Variants in GSG1L observed in about 807,000 individuals in gnomAD.
GSG1L encodes germ cell-specific gene 1-like protein.
Under a neutral mutation model 42.1 loss-of-function variants are expected in GSG1L, and 24 were observed. The observed-to-expected ratio is 0.57, with a 90% CI of 0.41 to 0.80. The LOEUF (loss-of-function observed/expected upper bound fraction) is 0.80. Among genes scored for constraint, GSG1L ranks in the 30% least tolerant of loss-of-function variants. The pLI is 0.00. For missense variants in GSG1L, 445 were observed against 472.2 expected, an observed-to-expected ratio of 0.94 and a Z score of 0.53; for synonymous variants, 215 against 203.5, an observed-to-expected ratio of 1.06 and a Z score of -0.48.
intron 5 of GSG1L, among the ~76,000 whole-genome samples, chr16:27,816,133 G>A (rs1285965689): frequency 1.3e-5 from 2 of 152,070 alleles, no homozygotes; most frequent in Non-Finnish European, 2.9e-5. Flanking sequence ...TGCATATTCA[G>A]CCCCACCTCC....
chr16:27,830,183 T>C (rs537954653), intron 4 of GSG1L, among the ~76,000 whole-genome samples: 2 of 152,332 alleles, frequency 1.3e-5, no homozygotes, highest in East Asian at 3.9e-4. Flanking sequence ...GGTACCTGCC[T>C]GGCCTCAGTT....
At chr16:27,849,142 G>A (rs564684153) in intron 3 of GSG1L, among the ~76,000 whole-genome samples, 1 of 147,506 alleles carries the variant, frequency 6.8e-6, no homozygotes, top group East Asian at 2.0e-4. Context: ...AAGCTGCAGT[G>A]AGGCAAGATC....
At chr16:27,949,749 C>A (rs549511558) in intron 2 of GSG1L, among the ~76,000 whole-genome samples, 23 of 152,158 alleles carry the variant, frequency 1.5e-4, no homozygotes, top group African/African-American at 5.3e-4. Flanking sequence ...CACGATGAAA[C>A]CCCGTCTCTA....
At chr16:27,844,240 C>CT (rs1237319761) in intron 4 of GSG1L, among the ~76,000 whole-genome samples, 1 of 152,224 alleles carries the variant, frequency 6.6e-6, no homozygotes, top group Non-Finnish European at 1.5e-5. Context: ...ATGAACACCC[C>CT]TTGTTCACTT....
intron 2 of GSG1L, among the ~76,000 whole-genome samples, chr16:27,950,264 A>C (rs2084936745): frequency 6.6e-6 from 1 of 152,212 alleles, no homozygotes; most frequent in Non-Finnish European, 1.5e-5. Flanking sequence ...AACTGTTTCC[A>C]ATTACAAAAC....
chr16:28,035,153 C>A (rs765735472), intron 1 of GSG1L, among the ~76,000 whole-genome samples: 6 of 151,760 alleles, frequency 4.0e-5, no homozygotes, highest in African/African-American at 1.2e-4. Flanking sequence ...ACTATGGCCA[C>A]GCACCAGCAA....
chr16:28,017,534 CG>C (rs2085794911), intron 1 of GSG1L, among the ~76,000 whole-genome samples: 1 of 152,192 alleles, frequency 6.6e-6, no homozygotes, highest in African/African-American at 2.4e-5. Flanking sequence ...TTAGAGCAGA[CG>C]GGTTGGTGAT....
chr16:27,998,590 G>A (rs949903962), intron 1 of GSG1L, among the ~76,000 whole-genome samples: 7 of 152,066 alleles, frequency 4.6e-5, no homozygotes, highest in African/African-American at 1.4e-4. Flanking sequence ...GAGCTCAAGG[G>A]CAGCCTGGGC....
intron 2 of GSG1L, among the ~76,000 whole-genome samples, chr16:27,913,217 T>A (rs1251175545): frequency 2.0e-5 from 3 of 152,204 alleles, no homozygotes; most frequent in Non-Finnish European, 4.4e-5. Context: ...ATGATCCAAT[T>A]TATCTAAAGT....
intron 2 of GSG1L, among the ~76,000 whole-genome samples, chr16:27,891,631 A>G (rs1448813849): frequency 6.6e-6 from 1 of 151,700 alleles, no homozygotes; most frequent in Non-Finnish European, 1.5e-5. Context: ...CACCACCACA[A>G]CCCACTAATT....
At chr16:27,962,896 T>C (rs536486683) in intron 2 of GSG1L, among the ~76,000 whole-genome samples, 8 of 152,322 alleles carry the variant, frequency 5.3e-5, no homozygotes, top group African/African-American at 1.9e-4. Flanking sequence ...CAGCATGCAC[T>C]GGACAGAATG....
At chr16:27,837,542 G>A (rs903936529) in intron 4 of GSG1L, among the ~76,000 whole-genome samples, 1 of 152,178 alleles carries the variant, frequency 6.6e-6, no homozygotes, top group African/African-American at 2.4e-5. Flanking sequence ...GACACCATGG[G>A]GAGGGAGATG....
intron 4 of GSG1L, 130 bp downstream of exon 4, chr16:27,844,820 C>T (rs1166469443): frequency 3.7e-6 from 2 of 543,398 alleles, no homozygotes; most frequent in Non-Finnish European, 6.7e-6. Flanking sequence ...CTTTGGACTA[C>T]AGCCCCTCCA....
chr16:27,795,938 A>C (rs1465130301), intron 6 of GSG1L, among the ~76,000 whole-genome samples: 1 of 152,180 alleles, frequency 6.6e-6, no homozygotes, highest in Admixed American at 6.5e-5. Flanking sequence ...AATCACATCT[A>C]CTGTTCCAAA....
rs141895502 is a variant in GSG1L at position 28,035,884 on chromosome 16, A to C, written c.349+27192T>G. 9.8e-3 allele frequency among the ~76,000 whole-genome samples: 1,496 copies of C among 152,308 alleles called. 9 individuals carry two copies. The highest frequency in any genetic ancestry group is 0.015 in the Non-Finnish European group (1,054 of 68,012). On this transcript the variant is annotated intron_variant, in intron 1 of 6. Transcript: ENST00000447459. ...GGCCACTTCACTGCTTCCAGACCCCAGTCCCTCAGGAAAACATCATTAATC... is the reference window on the plus strand; with the variant it reads ...GGCCACTTCACTGCTTCCAGACCCCCGTCCCTCAGGAAAACATCATTAATC...
chr16:27,883,411 T>C (rs969441185), intron 3 of GSG1L, among the ~76,000 whole-genome samples: 2 of 152,160 alleles, frequency 1.3e-5, no homozygotes, highest in Non-Finnish European at 2.9e-5. Flanking sequence ...TTTCTTCTTT[T>C]CTTTACTGTG....
Position 28,063,487 on chromosome 16 carries a change from T to C in GSG1L, c.-63A>G. ...GAGCTCCGCGCGCGAAGTTGGCAGC[T>C]GGCGCCCCGCGTCAGCGGCCGCTGC... is the stretch of plus-strand genomic sequence containing the variant. On this transcript the variant is annotated 5_prime_UTR_variant, in exon 1 of 7. Coordinates refer to ENST00000447459, the MANE Select transcript of GSG1L (RefSeq NM_001109763.2). The surrounding 1 kb of genome is among the most constrained non-coding windows in gnomAD (Gnocchi z 5.8). The C allele has an allele frequency of 1.9e-6, 2 of 1,052,434 alleles. No homozygotes were observed. Among genetic ancestry groups the C allele is most frequent in the Non-Finnish European group, 2.3e-6 (2 of 854,708 alleles). The allele number at this position is 1,052,434 out of a possible 1,614,324, so 65.2% of individuals were successfully genotyped here.
At chr16:27,978,900 T>A (rs2085281618) in intron 1 of GSG1L, among the ~76,000 whole-genome samples, 1 of 152,032 alleles carries the variant, frequency 6.6e-6, no homozygotes, top group Non-Finnish European at 1.5e-5. Flanking sequence ...CATCTTCAGT[T>A]AGGATTTAAT....
intron 3 of GSG1L, among the ~76,000 whole-genome samples, chr16:27,873,168 CTA>C: frequency 6.6e-6 from 1 of 152,268 alleles, no homozygotes; most frequent in South Asian, 2.1e-4. Context: ...GCTATTGGTG[CTA>C]TGATTCTTGT....
Sources: gnomAD v4.1 joint callset for allele counts (sites outside exome capture counted in the v4.1 genomes callset) on GRCh38, gnomAD v4.1.1 for gene constraint, Gnocchi (gnomAD v3.1) non-coding constraint, MANE v1.5 for transcripts, NCBI Gene and HGNC (gene_info 2026-07-23, HGNC 2026-07-21) for gene names.